Variants in SH2D4B observed in about 807,000 individuals in gnomAD.
SH2D4B encodes the protein SH2 domain-containing protein 4B.
Under a neutral mutation model 61.5 loss-of-function variants are expected in SH2D4B, and 45 were observed. That is an observed-to-expected ratio of 0.73 (90% CI 0.58 to 0.94). SH2D4B has a LOEUF of 0.94. Among genes scored for constraint, SH2D4B ranks in the 40% least tolerant of loss-of-function variants. The pLI is 0.00. For synonymous variants in SH2D4B, 224 were observed against 220.4 expected (o/e 1.02, Z -0.14); for missense variants, 572 against 574.2 (o/e 1.00, Z 0.04).
intron 4 of SH2D4B, among the ~76,000 whole-genome samples, chr10:80,589,616 G>A (rs979038698): frequency 1.3e-5 from 2 of 152,292 alleles, no homozygotes; most frequent in African/African-American, 2.4e-5. Context: ...GAGGAATCAC[G>A]GTGCTCATCC....
rs1012856357 is a variant in SH2D4B at position 80,644,365 on chromosome 10, G to A, written c.*280G>A. On this transcript the variant is annotated 3_prime_UTR_variant, in exon 8 of 8. Coordinates refer to ENST00000646907, the MANE Select transcript of SH2D4B (RefSeq NM_001388272.1). ...CTGTTTGTCATGGCTGCCGTAAACC[G>A]AGCTCTTACAGTGCGTGGACCATGT... is the stretch of plus-strand genomic sequence containing the variant. 27 of 362,822 alleles carry A rather than the reference G, an allele frequency of 7.4e-5. No homozygotes were observed. The highest frequency in any genetic ancestry group is 3.5e-4 in the African/African-American group (17 of 48,200). 22.5% of individuals were successfully genotyped at this position (362,822 alleles called of 1,614,324 possible).
At chr10:80,581,178 T>C (rs1842181311) in intron 3 of SH2D4B, among the ~76,000 whole-genome samples, 1 of 152,184 alleles carries the variant, frequency 6.6e-6, no homozygotes, top group Non-Finnish European at 1.5e-5. Context: ...CTGGGTGGTG[T>C]CCTACTCTCC....
rs200375205 is a variant in SH2D4B, at chr10:80,634,255, G to GT, written c.989-23dup. On this transcript the variant is annotated intron_variant, in intron 6 of 7. Coordinates refer to ENST00000646907, the MANE Select transcript of SH2D4B (RefSeq NM_001388272.1). ...GGGAGGCAGTCGCAGAACCTGCTGT[G>GT]TTTTTTTGTTTTTTTCTATTTTAAA... 568 of 1,482,952 alleles carry GT rather than the reference G, an allele frequency of 3.8e-4. 6 individuals are homozygous for GT. In the African/African-American group the frequency reaches 7.3e-3, roughly 19 times the overall value. 91.9% of individuals were successfully genotyped at this position (1,482,952 alleles called of 1,614,324 possible). A position where few individuals can be genotyped will look rare whatever the true frequency, so the allele number is the denominator to read the frequency against.
chr10:80,643,953 T>G (rs922980604), intron 7 of SH2D4B, 40 bp from the exon 8 acceptor site: 3 of 1,527,278 alleles, frequency 2.0e-6, no homozygotes, highest in Admixed American at 3.4e-5. Flanking sequence ...TATTTCCCTG[T>G]CTTGATTATA....
At chr10:80,541,323 G>A (rs1344124641) in intron 1 of SH2D4B, among the ~76,000 whole-genome samples, 1 of 152,136 alleles carries the variant, frequency 6.6e-6, no homozygotes, top group African/African-American at 2.4e-5. Flanking sequence ...TTGTTTCTTT[G>A]TCTTGTTCTT....
chr10:80,587,175 G>C (rs1025755971), intron 3 of SH2D4B, among the ~76,000 whole-genome samples: 2 of 121,642 alleles, frequency 1.6e-5, no homozygotes, highest in Non-Finnish European at 3.3e-5. Flanking sequence ...TTTTGGAGAC[G>C]CCCAGGCTGG....
chr10:80,591,480 G>A (rs1331051534), intron 4 of SH2D4B, among the ~76,000 whole-genome samples: 1 of 150,772 alleles, frequency 6.6e-6, no homozygotes, highest in Admixed American at 6.6e-5. Context: ...CATGGAGATG[G>A]AAGGTACACT....
chr10:80,609,621 G>T (rs1299398838), intron 6 of SH2D4B, 70 bp downstream of exon 6: 6 of 1,605,866 alleles, frequency 3.7e-6, no homozygotes, highest in Non-Finnish European at 8.5e-7. Flanking sequence ...GGTTGGGGAG[G>T]GGTGCTGAAG....
At chr10:80,623,626 G>GAT (rs1225841600) in intron 6 of SH2D4B, among the ~76,000 whole-genome samples, 1 of 152,118 alleles carries the variant, frequency 6.6e-6, no homozygotes, top group Non-Finnish European at 1.5e-5. Flanking sequence ...GTTCTTATTT[G>GAT]GAGATTTGGA....
At position 80,634,445 on chromosome 10, in the gene SH2D4B, C is replaced by T; in HGVS notation, c.1149C>T (p.Ser383=). ...TGGATGCTTCTGGGGATTTTTACAG[C>T]TTCCTGGGAGTGGACCCCAATCGCC... is the stretch of plus-strand genomic sequence containing the variant. The part of the protein sequence containing the change: ...FLVDASGDFY[S]FLGVDPNRHA... The change falls in exon 7 of 8, where the codon AGC becomes AGT. Residue 383 remains serine, a synonymous_variant. Coordinates refer to ENST00000646907, the MANE Select transcript of SH2D4B (RefSeq NM_001388272.1). 1.3e-6 allele frequency: 2 copies of T among 1,550,512 alleles called. No homozygotes were observed. Among genetic ancestry groups the T allele is most frequent in the Non-Finnish European group, 1.7e-6 (2 of 1,146,988 alleles).
At chr10:80,585,428 C>T (rs1052652737) in intron 3 of SH2D4B, among the ~76,000 whole-genome samples, 1 of 151,854 alleles carries the variant, frequency 6.6e-6, no homozygotes, top group Non-Finnish European at 1.5e-5. Flanking sequence ...GATTCTCCTG[C>T]CTCAGCCTCC....
chr10:80,556,659 T>A (rs966713133), intron 1 of SH2D4B, among the ~76,000 whole-genome samples: 10 of 152,232 alleles, frequency 6.6e-5, no homozygotes, highest in African/African-American at 2.4e-4. Context: ...TGTTTTCTGA[T>A]GCTATTGTAA....
chr10:80,577,750 G>C (rs1225775030), intron 3 of SH2D4B, among the ~76,000 whole-genome samples: 1 of 151,766 alleles, frequency 6.6e-6, no homozygotes, highest in African/African-American at 2.4e-5. Context: ...TTTTAGTAGG[G>C]ACGGGGTTTC....
intron 1 of SH2D4B, among the ~76,000 whole-genome samples, chr10:80,551,452 A>G (rs1841760630): frequency 6.6e-6 from 1 of 152,218 alleles, no homozygotes; most frequent in African/African-American, 2.4e-5. Flanking sequence ...CATATATAAC[A>G]GGCAAAGGAT....
intron 1 of SH2D4B, among the ~76,000 whole-genome samples, chr10:80,550,858 C>T (rs1841751054): frequency 6.6e-6 from 1 of 152,098 alleles, no homozygotes. Flanking sequence ...ACATAGGAAG[C>T]TTCCTCCACA....
At chr10:80,586,807 C>G (rs368735631) in intron 3 of SH2D4B, among the ~76,000 whole-genome samples, 11 of 152,190 alleles carry the variant, frequency 7.2e-5, no homozygotes, top group Admixed American at 5.2e-4. Context: ...TGGTTCCACG[C>G]TGCCTTTATG....
At chr10:80,632,658 C>T (rs918856471) in intron 6 of SH2D4B, among the ~76,000 whole-genome samples, 20 of 151,912 alleles carry the variant, frequency 1.3e-4, no homozygotes, top group African/African-American at 1.9e-4. Context: ...TTTTAGGGCC[C>T]GGGTGTTCTG....
At chr10:80,615,152 T>C (rs1357005203) in intron 6 of SH2D4B, among the ~76,000 whole-genome samples, 1 of 152,092 alleles carries the variant, frequency 6.6e-6, no homozygotes, top group African/African-American at 2.4e-5. Context: ...CAGGAAGGGG[T>C]TGGACAGGCT....
intron 6 of SH2D4B, among the ~76,000 whole-genome samples, chr10:80,617,428 A>G (rs757461137): frequency 2.6e-5 from 4 of 152,182 alleles, no homozygotes; most frequent in Non-Finnish European, 5.9e-5. Context: ...AAAACAGGGA[A>G]TTGTGTGTTT....
Sources: gnomAD v4.1 joint callset for allele counts (sites outside exome capture counted in the v4.1 genomes callset) on GRCh38, gnomAD v4.1.1 for gene constraint, MANE v1.5 for transcripts, NCBI Gene and HGNC (gene_info 2026-07-23, HGNC 2026-07-21) for gene names.